The following ZBTB16 variants were observed in gnomAD, a reference collection of about 807,000 sequenced individuals.
The protein encoded by ZBTB16 is zinc finger and BTB domain-containing protein 16.
ZBTB16 carries 8 observed loss-of-function variants against 56.8 expected under a neutral mutation model. That is an observed-to-expected ratio of 0.14 (90% CI 0.08 to 0.25). The LOEUF is 0.25. Ranked by LOEUF, ZBTB16 falls within the 10% of genes least tolerant of loss-of-function variation. The probability of loss-of-function intolerance (pLI) is 1.00; values close to 1 mark genes in which losing one functional copy is unlikely to be tolerated. For missense variants in ZBTB16, 625 were observed against 903.0 expected (o/e 0.69, Z 3.95); for synonymous variants, 363 against 368.5 (o/e 0.98, Z 0.17).
intron 4 of ZBTB16, among the ~76,000 whole-genome samples, chr11:114,194,190 T>C (rs1024378792): frequency 6.6e-6 from 1 of 152,230 alleles, no homozygotes; most frequent in African/African-American, 2.4e-5. Context: ...ATCAGTTTCA[T>C]ATCCAAGGCT....
chr11:114,103,650 A>T (rs1446016046), intron 2 of ZBTB16, among the ~76,000 whole-genome samples: 1 of 152,026 alleles, frequency 6.6e-6, no homozygotes, highest in Non-Finnish European at 1.5e-5. Flanking sequence ...CTGTGTCAGC[A>T]TCTAAACCTC....
At chr11:114,162,996 C>T (rs957266461) in intron 3 of ZBTB16, among the ~76,000 whole-genome samples, 9 of 152,290 alleles carry the variant, frequency 5.9e-5, no homozygotes, top group Admixed American at 2.6e-4. Flanking sequence ...AGTTTATGAT[C>T]GCTTGCAGAT....
In ZBTB16 at chr11:114,254,663, G is replaced by C. The variant is rs1013233637; in HGVS notation, c.*4108G>C. 2.0e-5 allele frequency among the ~76,000 whole-genome samples: 3 copies of C among 152,176 alleles called. No homozygotes were observed. Among genetic ancestry groups the C allele is most frequent in the Admixed American group, 2.0e-4 (3 of 15,280 alleles). ...ACAGAAAAGCAGAAGATGAGACTCTGTTCATTCACTTTTCCTAGGCCCATC... is the reference window on the plus strand; with the variant it reads ...ACAGAAAAGCAGAAGATGAGACTCTCTTCATTCACTTTTCCTAGGCCCATC... On this transcript the variant is annotated 3_prime_UTR_variant, in exon 7 of 7. Coordinates refer to ENST00000335953, the MANE Select transcript of ZBTB16 (RefSeq NM_006006.6).
chr11:114,196,197 T>C (rs1015143315), intron 4 of ZBTB16, among the ~76,000 whole-genome samples: 2 of 152,174 alleles, frequency 1.3e-5, no homozygotes, highest in African/African-American at 4.8e-5. Flanking sequence ...TGTACCAGCC[T>C]CCAGGAGCAC....
At chr11:114,203,030 A>G (rs1387130753) in intron 4 of ZBTB16, among the ~76,000 whole-genome samples, 1 of 152,238 alleles carries the variant, frequency 6.6e-6, no homozygotes, top group Non-Finnish European at 1.5e-5. Flanking sequence ...GTTGTTCACA[A>G]TAGCCAAAAG....
chr11:114,115,828 C>T (rs1460403296), intron 2 of ZBTB16, among the ~76,000 whole-genome samples: 5 of 152,138 alleles, frequency 3.3e-5, no homozygotes, highest in Non-Finnish European at 1.5e-5. Flanking sequence ...GAGAGGCAGG[C>T]GCTGCCCCTA....
In ZBTB16 at chr11:114,253,038, C is replaced by T. The variant is rs1204549558; in HGVS notation, c.*2483C>T. Among the ~76,000 whole-genome samples, 1 of 152,132 alleles carries T rather than the reference C, an allele frequency of 6.6e-6. No individual in the cohort carries two copies. Among genetic ancestry groups the T allele is most frequent in the Non-Finnish European group, 1.5e-5 (1 of 68,034 alleles). On this transcript the variant is annotated 3_prime_UTR_variant, in exon 7 of 7. Transcript: ENST00000335953. ...GTTTATAATGTGAAAAGGGTGAAAT[C>T]ATTTGGGGGAGGGGCCGTCTGTAAG...
At chr11:114,197,193 G>T (rs76767507) in intron 4 of ZBTB16, among the ~76,000 whole-genome samples, 1 of 152,130 alleles carries the variant, frequency 6.6e-6, no homozygotes, top group Non-Finnish European at 1.5e-5. Context: ...ACATTACTGC[G>T]TCACAGGGGA....
intron 2 of ZBTB16, among the ~76,000 whole-genome samples, chr11:114,083,190 G>T (rs1372086405): frequency 6.6e-6 from 1 of 152,246 alleles, no homozygotes; most frequent in Non-Finnish European, 1.5e-5. Flanking sequence ...TGGGCTACGG[G>T]TGTTTGGTTG....
chr11:114,104,183 G>A (rs569739301), intron 2 of ZBTB16, among the ~76,000 whole-genome samples: 3 of 152,192 alleles, frequency 2.0e-5, no homozygotes, highest in African/African-American at 7.2e-5. Context: ...CAGGGTGAAC[G>A]TGTGTAGAAA....
In ZBTB16 at chr11:114,124,234, T is replaced by C. The variant is rs2137810716; in HGVS notation, c.1269-32103T>C. On this transcript the variant is annotated intron_variant, in intron 2 of 6. Transcript: ENST00000335953. ...AACTTATGGAAGCAAACAGCCTTCT[T>C]TATTTTTTAATACATCACTGTCACC... is the stretch of plus-strand genomic sequence containing the variant. Among the ~76,000 whole-genome samples the C allele has an allele frequency of 2.0e-5, 3 of 152,156 alleles. No individual in the cohort carries two copies. The South Asian group carries it at 6.2e-4, about 32-fold the overall frequency.
chr11:114,113,595 G>T (rs2073846), intron 2 of ZBTB16, among the ~76,000 whole-genome samples: 1 of 152,280 alleles, frequency 6.6e-6, no homozygotes, highest in African/African-American at 2.4e-5. Flanking sequence ...TGTAGGGCAA[G>T]TAGGAGTAAG....
At chr11:114,177,179 C>A (rs1943137552) in intron 3 of ZBTB16, among the ~76,000 whole-genome samples, 1 of 152,184 alleles carries the variant, frequency 6.6e-6, no homozygotes, top group Admixed American at 6.5e-5. Flanking sequence ...TTTAAGCTAT[C>A]ATATGAGGAT....
chr11:114,163,327 C>CA (rs1942647429), intron 3 of ZBTB16, among the ~76,000 whole-genome samples: 1 of 151,894 alleles, frequency 6.6e-6, no homozygotes, highest in South Asian at 2.1e-4. Flanking sequence ...GATTCACAGC[C>CA]AGAGTATTTT....
At chr11:114,114,144 T>C (rs1941102557) in intron 2 of ZBTB16, among the ~76,000 whole-genome samples, 1 of 152,250 alleles carries the variant, frequency 6.6e-6, no homozygotes, top group Non-Finnish European at 1.5e-5. Flanking sequence ...CCAGAATAAC[T>C]TGATATTCTA....
At chr11:114,099,354 A>G (rs1454614835) in intron 2 of ZBTB16, among the ~76,000 whole-genome samples, 1 of 152,300 alleles carries the variant, frequency 6.6e-6, no homozygotes, top group Non-Finnish European at 1.5e-5. Context: ...TATATAAAAT[A>G]AATCTATTTT....
chr11:114,196,403 C>CAAAGAAACGGACAAAGATAGCT (rs60895547), intron 4 of ZBTB16, among the ~76,000 whole-genome samples: 1 of 151,922 alleles, frequency 6.6e-6, no homozygotes, highest in Non-Finnish European at 1.5e-5. Context: ...AAAAAAGAGG[C>CAAAGAAACGGACAAAGATAGCT]AAGGTCATTC....
intron 3 of ZBTB16, among the ~76,000 whole-genome samples, chr11:114,163,904 G>A (rs76675049): frequency 0.012 from 1,875 of 152,106 alleles, 39 homozygotes; most frequent in African/African-American, 0.042. Flanking sequence ...AATGTTTATC[G>A]TTTGCCCAAC....
intron 2 of ZBTB16, among the ~76,000 whole-genome samples, chr11:114,117,327 G>T (rs545338007): frequency 1.3e-5 from 2 of 152,236 alleles, no homozygotes; most frequent in Non-Finnish European, 2.9e-5. Flanking sequence ...GTGTTGAAAG[G>T]TTTTAATCCC....
Sources: allele counts gnomAD v4.1 joint callset (sites outside exome capture counted in the v4.1 genomes callset), GRCh38; gene constraint gnomAD v4.1.1; transcripts MANE v1.5; gene names NCBI Gene and HGNC (gene_info 2026-07-23, HGNC 2026-07-21).